RABGAP1L: variants seen among roughly 807,000 people sequenced by gnomAD.
RABGAP1L encodes rab GTPase-activating protein 1-like.
Under a neutral mutation model 137.7 loss-of-function variants are expected in RABGAP1L, and 63 were observed. The observed-to-expected ratio is 0.46, with a 90% confidence interval of 0.37 to 0.56. The LOEUF is 0.56. RABGAP1L is among the 20% of genes least tolerant of loss of function. The pLI, the probability that RABGAP1L is intolerant of heterozygous loss-of-function variation, is 0.00. For synonymous variants in RABGAP1L, 431 were observed against 433.7 expected, an observed-to-expected ratio of 0.99 and a Z score of 0.08; for missense variants, 1,095 against 1,244.0, an observed-to-expected ratio of 0.88 and a Z score of 1.80.
chr1:174,632,597 T>C (rs551640076), intron 13 of RABGAP1L, among the ~76,000 whole-genome samples: 7 of 150,178 alleles, frequency 4.7e-5, no homozygotes, highest in Admixed American at 2.6e-4. Context: ...CATTTCTTTT[T>C]ATTCTTTTTT....
intron 17 of RABGAP1L, among the ~76,000 whole-genome samples, chr1:174,747,871 CT>C (rs5778811): frequency 0.4 from 57,902 of 145,938 alleles, 13,939 homozygotes; most frequent in African/African-American, 0.69. Context: ...TGCATTTTAT[CT>C]TTTTTTTTTT....
chr1:174,946,917 A>ATATATAT (rs1252382067), intron 19 of RABGAP1L, among the ~76,000 whole-genome samples: 1 of 59,810 alleles, frequency 1.7e-5, no homozygotes, highest in Non-Finnish European at 2.7e-5. Context: ...AAAAAAAAAA[A>ATATATAT]ATATATATAT....
intron 13 of RABGAP1L, among the ~76,000 whole-genome samples, chr1:174,430,835 G>A (rs1291838081): frequency 1.3e-5 from 2 of 152,064 alleles, no homozygotes; most frequent in South Asian, 2.1e-4. Flanking sequence ...TTTTAACTTG[G>A]ACTGCAGAGA....
intron 21 of RABGAP1L, among the ~76,000 whole-genome samples, chr1:174,970,985 G>A (rs1190000673): frequency 6.6e-6 from 1 of 151,370 alleles, no homozygotes; most frequent in Non-Finnish European, 1.5e-5. Context: ...AATTTCAAGG[G>A]CTACTGGCTG....
At position 174,723,246 on chromosome 1, in the gene RABGAP1L, TG is replaced by T. The variant is rs1448041017; in HGVS notation, c.2169+20991del. 2.0e-5 allele frequency among the ~76,000 whole-genome samples: 3 copies of T among 152,282 alleles called. No homozygotes were observed. The East Asian group carries it at 5.8e-4, about 29-fold the overall frequency. Reference sequence around the variant, plus strand: ...TCCACCACCACGCCTGGCTCATTTTTGTATTTTTAGTAGAAACAGGGTTTCA... The same window carrying T: ...TCCACCACCACGCCTGGCTCATTTTTTATTTTTAGTAGAAACAGGGTTTCA... On this transcript the variant is annotated intron_variant, in intron 17 of 25. Transcript: ENST00000681986.
In RABGAP1L at chr1:174,616,815, C is replaced by T. The variant is rs902112006; in HGVS notation, c.1711-20560C>T. Among the ~76,000 whole-genome samples the T allele has an allele frequency of 2.0e-5, 3 of 152,134 alleles. No individual in the cohort carries two copies. In the South Asian group the frequency reaches 6.2e-4, roughly 32 times the overall value. On this transcript the variant is annotated intron_variant, in intron 13 of 25. Transcript: ENST00000681986. The stretch of plus-strand genomic sequence containing the variant: ...GTAATTCTCAAGTAACAGTTTGTGG[C>T]CTTTTGCTGGTGGCTACATAGACAC...
chr1:174,821,479 AC>A (rs1328520236), intron 19 of RABGAP1L, among the ~76,000 whole-genome samples: 1 of 152,180 alleles, frequency 6.6e-6, no homozygotes, highest in Admixed American at 6.5e-5. Context: ...ATTTGATCTT[AC>A]CCCTCACAAA....
At chr1:174,445,954 C>G (rs1296060845) in intron 13 of RABGAP1L, among the ~76,000 whole-genome samples, 1 of 152,158 alleles carries the variant, frequency 6.6e-6, no homozygotes, top group Non-Finnish European at 1.5e-5. Flanking sequence ...CCGAGTAAGT[C>G]TATAAGCCTG....
chr1:174,369,607 G>A (rs1014787479), intron 11 of RABGAP1L, among the ~76,000 whole-genome samples: 44 of 152,132 alleles, frequency 2.9e-4, no homozygotes, highest in African/African-American at 9.2e-4. Flanking sequence ...TAACACTAAA[G>A]CTTTAGTTGT....
intron 17 of RABGAP1L, among the ~76,000 whole-genome samples, chr1:174,734,233 GA>G (rs1345879968): frequency 3.9e-5 from 6 of 152,102 alleles, no homozygotes; most frequent in African/African-American, 7.2e-5. Flanking sequence ...CTAAAACGTT[GA>G]TTTGGGAGTT....
At chr1:174,692,254 C>T (rs1478557723) in intron 15 of RABGAP1L, among the ~76,000 whole-genome samples, 3 of 151,904 alleles carry the variant, frequency 2.0e-5, no homozygotes, top group Non-Finnish European at 4.4e-5. Flanking sequence ...AGTTGTGGAG[C>T]GGGGGGTACA....
chr1:174,830,635 C>A (rs905828761), intron 19 of RABGAP1L, among the ~76,000 whole-genome samples: 2 of 147,204 alleles, frequency 1.4e-5, no homozygotes, highest in Non-Finnish European at 3.0e-5. Context: ...TGCCACCATG[C>A]CTGGCCAATT....
intron 19 of RABGAP1L, among the ~76,000 whole-genome samples, chr1:174,876,554 AT>A (rs1258363014): frequency 6.6e-6 from 1 of 152,204 alleles, no homozygotes; most frequent in African/African-American, 2.4e-5. Flanking sequence ...ATCTGGAAAT[AT>A]GGCAGTTCAT....
intron 17 of RABGAP1L, among the ~76,000 whole-genome samples, chr1:174,711,635 G>GGGCA (rs1190242667): frequency 6.6e-6 from 1 of 152,200 alleles, no homozygotes; most frequent in Non-Finnish European, 1.5e-5. Context: ...CCTCCCCATA[G>GGGCA]GGCAGGGTTC....
At chr1:174,737,493 A>T (rs1025076536) in intron 17 of RABGAP1L, among the ~76,000 whole-genome samples, 1 of 152,094 alleles carries the variant, frequency 6.6e-6, no homozygotes, top group African/African-American at 2.4e-5. Context: ...CAATCACCTA[A>T]CAAGTCTCTA....
intron 19 of RABGAP1L, among the ~76,000 whole-genome samples, chr1:174,864,945 T>C (rs1421914804): frequency 6.6e-6 from 1 of 152,228 alleles, no homozygotes; most frequent in East Asian, 1.9e-4. Flanking sequence ...TGCCAAACCC[T>C]GTCTCTACAA....
intron 13 of RABGAP1L, among the ~76,000 whole-genome samples, chr1:174,492,504 C>G (rs1660352586): frequency 6.6e-6 from 1 of 152,014 alleles, no homozygotes; most frequent in Non-Finnish European, 1.5e-5. Flanking sequence ...CATGCCACCA[C>G]TCTCGGCTAG....
chr1:174,959,123 A>G (rs1668864455), intron 20 of RABGAP1L, among the ~76,000 whole-genome samples: 1 of 152,244 alleles, frequency 6.6e-6, no homozygotes. Flanking sequence ...AGATCTGATT[A>G]TAAAATCCCA....
rs550675485 is a variant in RABGAP1L at position 174,264,501 on chromosome 1, T to C, written c.987-7913T>C. ...CTCTGACCTGAGGTCTCCAAACTTA[T>C]ATATTCAACAACTTCAGATCTTCAT... On this transcript the variant is annotated intron_variant, in intron 7 of 25. Coordinates refer to ENST00000681986, the MANE Select transcript of RABGAP1L (RefSeq NM_001366446.1). 7.8e-4 allele frequency among the ~76,000 whole-genome samples: 119 copies of C among 152,276 alleles called. No individual in the cohort carries two copies. In the South Asian group the frequency reaches 7.9e-3, roughly 10 times the overall value.
Sources: allele counts gnomAD v4.1 joint callset (sites outside exome capture counted in the v4.1 genomes callset), GRCh38; gene constraint gnomAD v4.1.1; transcripts MANE v1.5; gene names NCBI Gene and HGNC (gene_info 2026-07-23, HGNC 2026-07-21).